The following DAPP1 variants were observed in gnomAD, a reference collection of about 807,000 sequenced individuals.
The protein encoded by DAPP1 is dual adaptor of phosphotyrosine and 3-phosphoinositides 1.
In DAPP1, 20 loss-of-function variants were observed where a neutral mutation model predicts 41.5. The ratio of observed to expected loss-of-function variants is 0.48; its 90% CI spans 0.34 to 0.70. The LOEUF (loss-of-function observed/expected upper bound fraction) is 0.70, where lower values mean the gene tolerates loss of function less well. Ranked by LOEUF, DAPP1 falls within the 30% of genes least tolerant of loss-of-function variation. DAPP1 has a pLI of 0.01. For missense variants in DAPP1, 233 were observed against 333.4 expected, an observed-to-expected ratio of 0.70 and a Z score of 2.35; for synonymous variants, 113 against 116.2, an observed-to-expected ratio of 0.97 and a Z score of 0.18.
intron 1 of DAPP1, among the ~76,000 whole-genome samples, chr4:99,827,885 G>A (rs1257683264): frequency 4.6e-5 from 7 of 152,194 alleles, no homozygotes; most frequent in Admixed American, 6.5e-5. Context: ...GATGGAAAGA[G>A]AAGAAGGTGC....
At chr4:99,858,551 TG>T (rs1422237717) in intron 4 of DAPP1, among the ~76,000 whole-genome samples, 3 of 152,198 alleles carry the variant, frequency 2.0e-5, no homozygotes, top group African/African-American at 7.2e-5. Context: ...TATTAAAAAA[TG>T]TTTGGGGTGA....
In DAPP1 at chr4:99,869,448, T is replaced by C. The variant is rs1724572095; in HGVS notation, c.*1263T>C. 1.3e-5 allele frequency: 2 copies of C among 152,246 alleles called. No homozygotes were observed. Among genetic ancestry groups the C allele is most frequent in the Non-Finnish European group, 1.5e-5 (1 of 68,046 alleles). 9.4% of individuals were successfully genotyped at this position (152,246 alleles called of 1,614,324 possible). On this transcript the variant is annotated 3_prime_UTR_variant, in exon 9 of 9. Transcript: ENST00000512369. ...GTAAAAAGATTATGCTGCAAAGCTA[T>C]GATATAAACTGCTCTTGCAGTCCAA...
At chr4:99,852,589 G>A (rs1165957123) in intron 3 of DAPP1, among the ~76,000 whole-genome samples, 1 of 152,162 alleles carries the variant, frequency 6.6e-6, no homozygotes, top group Non-Finnish European at 1.5e-5. Context: ...GCACCAGCTT[G>A]TTCAGGTCAT....
At chr4:99,865,461 T>G (rs1368146555) in intron 7 of DAPP1, 2 of 152,182 alleles carry the variant, frequency 1.3e-5, no homozygotes, top group Non-Finnish European at 2.9e-5. Flanking sequence ...ATGGGAGAAA[T>G]AACTAATTTA....
downstream of DAPP1, among the ~76,000 whole-genome samples, chr4:99,871,702 G>A (rs1469688669): frequency 6.6e-6 from 1 of 152,202 alleles, no homozygotes; most frequent in African/African-American, 2.4e-5. Context: ...GCCTTCTTGA[G>A]AAAGAATTCA....
chr4:99,846,007 T>C (rs1393310706), intron 3 of DAPP1, among the ~76,000 whole-genome samples: 2 of 152,226 alleles, frequency 1.3e-5, no homozygotes, highest in African/African-American at 4.8e-5. Context: ...AGCTTCTCGA[T>C]GTTTTTTTCC....
At chr4:99,843,603 A>G (rs1380068855) in intron 3 of DAPP1, among the ~76,000 whole-genome samples, 1 of 152,188 alleles carries the variant, frequency 6.6e-6, no homozygotes, top group South Asian at 2.1e-4. Flanking sequence ...ATCAATACCC[A>G]TAAACACTCT....
Position 99,840,404 on chromosome 4 carries a change from T to C in DAPP1, c.340T>C (p.Leu114=), listed in dbSNP as rs568374719. 3 of 1,611,668 alleles carry C rather than the reference T, an allele frequency of 1.9e-6. No individual in the cohort carries two copies. The South Asian group carries it at 3.3e-5, about 18-fold the overall frequency. ...DFVKHFANQP[L]IGSETGTLMV... is the part of the protein sequence containing the mutation. ...TGTCAAGCATTTTGCAAATCAGCCT[T>C]TGATTGGAAGCGAGACAGGTAAGCT... The change falls in exon 3 of 9, where the codon TTG becomes CTG. Residue 114 remains leucine (L), a synonymous_variant. Transcript: ENST00000512369.
chr4:99,866,363 TA>T (rs1191506703), intron 8 of DAPP1, among the ~76,000 whole-genome samples: 3 of 152,170 alleles, frequency 2.0e-5, no homozygotes, highest in Admixed American at 6.6e-5. Context: ...CTTAGCCTAA[TA>T]ACCACCTATC....
At chr4:99,833,580 G>A (rs1276013610) in intron 1 of DAPP1, among the ~76,000 whole-genome samples, 2 of 152,096 alleles carry the variant, frequency 1.3e-5, no homozygotes, top group African/African-American at 4.8e-5. Flanking sequence ...TGCCAGAATA[G>A]GGCTATTCCT....
chr4:99,817,108 C>A, intron 1 of DAPP1, 94 bp downstream of exon 1: 2 of 864,338 alleles, frequency 2.3e-6, no homozygotes, highest in Non-Finnish European at 3.5e-6. Context: ...ATCTTCAGTG[C>A]CTTGTTGCCC....
chr4:99,863,159 T>A (rs1019015778), intron 6 of DAPP1, 87 bp downstream of exon 6: 1 of 771,056 alleles, frequency 1.3e-6, no homozygotes, highest in Non-Finnish European at 2.0e-6. Flanking sequence ...TGAAATTATT[T>A]TTATATCCAC....
chr4:99,841,040 T>A (rs1012919277), intron 3 of DAPP1, among the ~76,000 whole-genome samples: 17 of 152,222 alleles, frequency 1.1e-4, no homozygotes, highest in Non-Finnish European at 2.4e-4. Flanking sequence ...AACATCTTGT[T>A]TATTTATATT....
chr4:99,827,921 A>G (rs943395183), intron 1 of DAPP1, among the ~76,000 whole-genome samples: 8 of 152,244 alleles, frequency 5.3e-5, no homozygotes, highest in Admixed American at 3.3e-4. Flanking sequence ...AACTCTTTCT[A>G]TAAGTATCAT....
chr4:99,857,664 G>T, intron 4 of DAPP1, among the ~76,000 whole-genome samples: 2 of 145,160 alleles, frequency 1.4e-5, no homozygotes, highest in South Asian at 4.3e-4. Flanking sequence ...TATCCTTTCA[G>T]TCTTTTACTT....
At chr4:99,840,961 A>C (rs1723475058) in intron 3 of DAPP1, among the ~76,000 whole-genome samples, 1 of 152,230 alleles carries the variant, frequency 6.6e-6, no homozygotes. Flanking sequence ...TAAACCAGAA[A>C]AAAATTCATG....
intron 8 of DAPP1, among the ~76,000 whole-genome samples, chr4:99,867,449 A>G (rs1724502112): frequency 6.6e-6 from 1 of 152,232 alleles, no homozygotes; most frequent in African/African-American, 2.4e-5. Context: ...ATGTACCACT[A>G]CACACCCTTC....
chr4:99,851,698 G>A (rs1348684075), intron 3 of DAPP1, among the ~76,000 whole-genome samples: 2 of 151,498 alleles, frequency 1.3e-5, no homozygotes, highest in Admixed American at 6.6e-5. Flanking sequence ...CTGCCACCAC[G>A]CTCGGCTAAT....
chr4:99,869,887 G>A lies in DAPP1; in HGVS notation c.*1702G>A, dbSNP rs888320631. On this transcript the variant is annotated 3_prime_UTR_variant, in exon 9 of 9. Coordinates refer to ENST00000512369, the MANE Select transcript of DAPP1 (RefSeq NM_014395.3). ...GGAGGTTGCAGTGAACCAAGATCGC[G>A]GCGCTGCACTCTAGCCTGGGTGACA... 1 of 152,066 alleles carries A rather than the reference G, an allele frequency of 6.6e-6. No homozygotes were observed. The highest frequency in any genetic ancestry group is 1.5e-5 in the Non-Finnish European group (1 of 68,018). The allele number at this position is 152,066 out of a possible 1,614,324, so 9.4% of individuals were successfully genotyped here. A position where few individuals can be genotyped will look rare whatever the true frequency, so the allele number is the denominator to read the frequency against.
Sources: gnomAD v4.1 joint callset for allele counts (sites outside exome capture counted in the v4.1 genomes callset) on GRCh38, gnomAD v4.1.1 for gene constraint, MANE v1.5 for transcripts, NCBI Gene and HGNC (gene_info 2026-07-23, HGNC 2026-07-21) for gene names.